Variants in SLC5A5 observed in about 807,000 individuals in gnomAD.
The protein encoded by SLC5A5 is solute carrier family 5 member 5, also known as sodium/iodide cotransporter.
A neutral mutation model predicts 68.6 loss-of-function variants in SLC5A5; 56 were observed. The observed-to-expected ratio is 0.82, with a 90% CI of 0.66 to 1.02. The LOEUF is 1.02. Among genes scored for constraint, SLC5A5 ranks in the 50% least tolerant of loss-of-function variants. The probability of loss-of-function intolerance (pLI) is 0.00; values close to 1 mark genes in which losing one functional copy is unlikely to be tolerated. For synonymous variants in SLC5A5, 398 were observed against 373.0 expected, an observed-to-expected ratio of 1.07 and a Z score of -0.77; for missense variants, 807 against 859.8, an observed-to-expected ratio of 0.94 and a Z score of 0.77.
chr19:17,883,413 A>T (rs1416038785), intron 10 of SLC5A5, among the ~76,000 whole-genome samples: 1 of 142,406 alleles, frequency 7.0e-6, no homozygotes, highest in Non-Finnish European at 1.5e-5. Context: ...GACTCTGTCT[A>T]AAAAAAAAAA....
intron 6 of SLC5A5, 39 bp downstream of exon 6, chr19:17,877,902 A>G (rs758644052): frequency 6.2e-7 from 1 of 1,613,582 alleles, no homozygotes. Context: ...TTTCTGGGAC[A>G]TGCTGCCCCC....
At position 17,876,036 on chromosome 19, in the gene SLC5A5, G is replaced by A; in HGVS notation, c.628G>A (p.Val210Ile). ...CTTCTGGGTTGTCCTGGCACGCGGTGTCATGCTTGTGGGCGGGCCCCGCCA... is the reference window on the plus strand; with the variant it reads ...CTTCTGGGTTGTCCTGGCACGCGGTATCATGCTTGTGGGCGGGCCCCGCCA... Reference protein sequence around the residue: ...SGFWVVLARGVMLVGGPRQVL... With the variant: ...SGFWVVLARGIMLVGGPRQVL... Residue 210 changes from valine to isoleucine, a missense_variant, in exon 5 of 15, where the codon GTC (valine) becomes ATC (isoleucine). Coordinates refer to ENST00000222248, the MANE Select transcript of SLC5A5 (RefSeq NM_000453.3). The A allele has an allele frequency of 6.2e-7, 1 of 1,614,206 alleles. No homozygotes were observed. The highest frequency in any genetic ancestry group is 8.5e-7 in the Non-Finnish European group (1 of 1,180,048).
intron 12 of SLC5A5, among the ~76,000 whole-genome samples, 156 bp downstream of exon 12, chr19:17,884,202 G>A (rs571488537): frequency 1.3e-5 from 2 of 152,198 alleles, no homozygotes; most frequent in Non-Finnish European, 2.9e-5. Flanking sequence ...GGCCACAATC[G>A]GGTTAGTCCC....
At chr19:17,883,030 G>T (rs1024838544) in intron 10 of SLC5A5, among the ~76,000 whole-genome samples, 13 of 151,860 alleles carry the variant, frequency 8.6e-5, no homozygotes, top group Admixed American at 1.3e-4. Context: ...ATGTTGGCCA[G>T]TCTGGTCTCG....
rs559355247 is a variant in SLC5A5, at chr19:17,883,938, T to C, written c.1418T>C (p.Met473Thr). The change falls in exon 12 of 15, where the codon ATG (methionine) becomes ACG (threonine). Residue 473 changes from methionine (M) to threonine (T), a missense_variant. By Grantham distance (81) the Met-to-Thr change is moderately conservative. Transcript: ENST00000222248. ...CTGTACCCACCCAGCGAGCAGACCA[T>C]GAGGGTCCTGCCATCGTCGGCTGCC... ...ATLYPPSEQT[M>T]RVLPSSAARC... The C allele has an allele frequency of 6.7e-5, 105 of 1,563,744 alleles. No individual in the cohort carries two copies. In the Admixed American group the frequency reaches 7.7e-4, roughly 11 times the overall value.
At chr19:17,882,266 C>A in intron 10 of SLC5A5, 47 bp downstream of exon 10, 2 of 1,458,836 alleles carry the variant, frequency 1.4e-6, no homozygotes, top group Non-Finnish European at 1.9e-6. Context: ...GAGGTGGGGG[C>A]ACCTTTCCCT....
At chr19:17,879,588 C>G (rs546866230) in intron 7 of SLC5A5, among the ~76,000 whole-genome samples, 2 of 152,214 alleles carry the variant, frequency 1.3e-5, no homozygotes, top group East Asian at 3.9e-4. Context: ...GTGCCAGGAC[C>G]CATGCCTAGG....
chr19:17,882,885 G>T (rs1171665789), intron 10 of SLC5A5, among the ~76,000 whole-genome samples: 1 of 146,950 alleles, frequency 6.8e-6, no homozygotes, highest in South Asian at 2.1e-4. Flanking sequence ...GGGTTTCACC[G>T]TGTTAGCCAG....
chr19:17,874,684 G>A lies in SLC5A5; in HGVS notation c.496G>A (p.Ala166Thr). 1.9e-6 allele frequency: 3 copies of A among 1,614,144 alleles called. No individual in the cohort carries two copies. In the Admixed American group the frequency reaches 5.0e-5, roughly 27 times the overall value. ...CATAGTGACCGGGCTGGACATCTGG[G>A]CGTCGCTCCTGTCCACCGGAATTAT... ...LNQVTGLDIW[A>T]SLLSTGIICT... is the part of the protein sequence containing the mutation. Residue 166 changes from alanine to threonine, a missense_variant, in exon 4 of 15, where the codon GCG becomes ACG. By Grantham distance (58) the Ala-to-Thr change is moderately conservative. Coordinates refer to ENST00000222248, the MANE Select transcript of SLC5A5 (RefSeq NM_000453.3).
intron 14 of SLC5A5, among the ~76,000 whole-genome samples, chr19:17,891,496 G>A (rs1461425465): frequency 6.6e-6 from 1 of 151,916 alleles, no homozygotes; most frequent in Non-Finnish European, 1.5e-5. Context: ...ATGAGCCACC[G>A]AGCCCAGCCT....
At chr19:17,877,079 A>T (rs914287595) in intron 5 of SLC5A5, among the ~76,000 whole-genome samples, 3 of 150,328 alleles carry the variant, frequency 2.0e-5, no homozygotes, top group African/African-American at 7.3e-5. Flanking sequence ...GTGCCGTGGG[A>T]TGGTAGAAAT....
chr19:17,872,657 G>T lies in SLC5A5; in HGVS notation c.338G>T (p.Gly113Val). ...TTCATGCCCGTCTTCTACCGCCTGG[G>T]CCTCACCAGCACCTACGAGGTACCG... ...LLFMPVFYRLGLTSTYEYLEM... is the reference protein window; with the variant it reads ...LLFMPVFYRLVLTSTYEYLEM... The change falls in exon 1 of 15, where the codon GGC becomes GTC. Residue 113 changes from glycine to valine, a missense_variant. Transcript: ENST00000222248. 2 of 1,603,356 alleles carry T rather than the reference G, an allele frequency of 1.2e-6. No homozygotes were observed. Among genetic ancestry groups the T allele is most frequent in the Non-Finnish European group, 8.5e-7 (1 of 1,174,204 alleles).
At chr19:17,890,743 C>T in intron 13 of SLC5A5, 143 bp from the exon 14 acceptor site, 1 of 689,256 alleles carries the variant, frequency 1.5e-6, no homozygotes, top group South Asian at 1.6e-5. Flanking sequence ...GGCTCAGAGG[C>T]TTGCCAGGGT....
rs753891455 is a variant in SLC5A5 at position 17,880,845 on chromosome 19, T to C, written c.970-20T>C. 1.3e-6 allele frequency: 2 copies of C among 1,594,872 alleles called. No homozygotes were observed. The highest frequency in any genetic ancestry group is 2.2e-5 in the South Asian group (2 of 90,684). On this transcript the variant is annotated intron_variant, in intron 7 of 14. Transcript: ENST00000222248. ...CTCGGGGTGCAGCTGTCTGGGAGGC[T>C]GACCCCCAGTTCTCCCCAGTACATG... is the stretch of plus-strand genomic sequence containing the variant.
At chr19:17,882,517 CTTTTTTT>C (rs745349830) in intron 10 of SLC5A5, among the ~76,000 whole-genome samples, 60 of 128,156 alleles carry the variant, frequency 4.7e-4, no homozygotes, top group African/African-American at 1.3e-3. Flanking sequence ...TTTCTTTTTT[CTTTTTTT>C]TTTTTTTTTG....
At chr19:17,874,287 G>A (rs1021692879) in intron 2 of SLC5A5, 84 bp downstream of exon 2, 7 of 274,878 alleles carry the variant, frequency 2.5e-5, no homozygotes, top group Non-Finnish European at 3.5e-5. Context: ...TCAAGACCCC[G>A]CCCAGACCCC....
At chr19:17,885,593 C>A (rs770214932) in intron 12 of SLC5A5, among the ~76,000 whole-genome samples, 1 of 152,014 alleles carries the variant, frequency 6.6e-6, no homozygotes, top group African/African-American at 2.4e-5. Context: ...GTTGCCCAGG[C>A]TGGTCTCAAA....
chr19:17,892,691 A>AGC (rs2030229418), intron 14 of SLC5A5, among the ~76,000 whole-genome samples: 1 of 150,110 alleles, frequency 6.7e-6, no homozygotes, highest in African/African-American at 2.5e-5. Flanking sequence ...AGAGAGAGAG[A>AGC]GAGAGAGCAA....
intron 7 of SLC5A5, 84 bp from the exon 8 acceptor site, chr19:17,880,781 T>C: frequency 1.1e-6 from 1 of 944,624 alleles, no homozygotes; most frequent in Non-Finnish European, 1.7e-6. Flanking sequence ...TCTTGGGTGC[T>C]GGGGACGTGC....
Sources: allele counts gnomAD v4.1 joint callset (sites outside exome capture counted in the v4.1 genomes callset), GRCh38; gene constraint gnomAD v4.1.1; transcripts MANE v1.5; gene names NCBI Gene and HGNC (gene_info 2026-07-23, HGNC 2026-07-21).